Variants in SLC16A12 observed in about 807,000 individuals in gnomAD.
SLC16A12 encodes the protein monocarboxylate transporter 12.
A neutral mutation model predicts 42.4 loss-of-function variants in SLC16A12; 17 were observed. The ratio of observed to expected loss-of-function variants is 0.40; its 90% CI spans 0.27 to 0.60. The LOEUF (loss-of-function observed/expected upper bound fraction) is 0.60. Among genes scored for constraint, SLC16A12 ranks in the 20% least tolerant of loss-of-function variants. The pLI, the probability that SLC16A12 is intolerant of heterozygous loss-of-function variation, is 0.42. For missense variants in SLC16A12, 544 were observed against 623.0 expected (o/e 0.87, Z 1.35); for synonymous variants, 224 against 229.4 (o/e 0.98, Z 0.21).
At chr10:89,443,518 T>A (rs1349472810) in intron 4 of SLC16A12, among the ~76,000 whole-genome samples, 1 of 152,248 alleles carries the variant, frequency 6.6e-6, no homozygotes, top group African/African-American at 2.4e-5. Context: ...CGTGTTCTTT[T>A]GAGTGTATTA....
intron 2 of SLC16A12, among the ~76,000 whole-genome samples, chr10:89,483,439 G>A (rs1357635359): frequency 2.6e-5 from 4 of 152,196 alleles, no homozygotes; most frequent in Non-Finnish European, 5.9e-5. Flanking sequence ...TTACTCCAAT[G>A]TGGTTTAGAA....
chr10:89,437,426 T>C (rs72816703), intron 6 of SLC16A12, among the ~76,000 whole-genome samples: 20,186 of 152,130 alleles, frequency 0.13, 1,765 homozygotes, highest in Non-Finnish European at 0.19. Context: ...AATATTGCAC[T>C]GGCTCATTTT....
chr10:89,454,499 C>A (rs532882186), intron 3 of SLC16A12, among the ~76,000 whole-genome samples: 8 of 152,208 alleles, frequency 5.3e-5, no homozygotes, highest in Admixed American at 1.3e-4. Flanking sequence ...TACTTTTTAA[C>A]CTGACTTAGG....
At chr10:89,448,536 G>A (rs141257980) in intron 3 of SLC16A12, among the ~76,000 whole-genome samples, 2,290 of 152,196 alleles carry the variant, frequency 0.015, 30 homozygotes, top group Non-Finnish European at 0.022. Context: ...TGTAGAAAAG[G>A]CCTTTGACAA....
At chr10:89,466,594 C>T (rs564743990) in intron 2 of SLC16A12, among the ~76,000 whole-genome samples, 14 of 152,132 alleles carry the variant, frequency 9.2e-5, no homozygotes, top group Non-Finnish European at 1.5e-4. Context: ...CATTAGTTGG[C>T]ACTTGTAAAT....
intron 2 of SLC16A12, among the ~76,000 whole-genome samples, chr10:89,503,760 T>C (rs558161741): frequency 1.3e-5 from 2 of 152,240 alleles, no homozygotes; most frequent in South Asian, 2.1e-4. Context: ...CCGCAATTGT[T>C]CCCATACAAT....
chr10:89,507,886 C>G (rs933642001), intron 2 of SLC16A12, among the ~76,000 whole-genome samples: 1 of 152,158 alleles, frequency 6.6e-6, no homozygotes, highest in South Asian at 2.1e-4. Context: ...GGAGGAAGAT[C>G]TACCAAGCAA....
intron 2 of SLC16A12, among the ~76,000 whole-genome samples, chr10:89,494,897 G>T (rs1370056105): frequency 6.6e-6 from 1 of 152,184 alleles, no homozygotes; most frequent in African/African-American, 2.4e-5. Context: ...CTGGTATTTA[G>T]TCTGTGGAAA....
chr10:89,541,759 A>G (rs1041208034), intron 2 of SLC16A12, among the ~76,000 whole-genome samples: 2 of 152,204 alleles, frequency 1.3e-5, no homozygotes, highest in African/African-American at 4.8e-5. Context: ...GTGTTTGCCC[A>G]TTAGGTGCCA....
chr10:89,532,544 TATACACTGGAAAG>T (rs1473122606), intron 2 of SLC16A12, among the ~76,000 whole-genome samples: 1 of 152,214 alleles, frequency 6.6e-6, no homozygotes, highest in African/African-American at 2.4e-5. Flanking sequence ...TGACTTTTTA[TATACACTGGAAAG>T]GTACTCATAA....
chr10:89,468,350 T>A (rs1029691664), intron 2 of SLC16A12, among the ~76,000 whole-genome samples: 1 of 152,220 alleles, frequency 6.6e-6, no homozygotes, highest in African/African-American at 2.4e-5. Context: ...AGATGCTATC[T>A]TTCTCTCTTT....
At chr10:89,487,734 C>A (rs929752169) in intron 2 of SLC16A12, among the ~76,000 whole-genome samples, 1 of 146,652 alleles carries the variant, frequency 6.8e-6, no homozygotes, top group African/African-American at 2.5e-5. Context: ...ATGGCTTGAA[C>A]CTGGGAGGCA....
At chr10:89,439,368 T>C (rs1243458819) in intron 5 of SLC16A12, among the ~76,000 whole-genome samples, 185 bp from the exon 6 acceptor site, 2 of 152,240 alleles carry the variant, frequency 1.3e-5, no homozygotes, top group Non-Finnish European at 2.9e-5. Context: ...ATGTAGAATA[T>C]ATATGACTTT....
At chr10:89,531,500 T>C (rs535079437) in intron 2 of SLC16A12, among the ~76,000 whole-genome samples, 3 of 152,170 alleles carry the variant, frequency 2.0e-5, no homozygotes, top group Non-Finnish European at 4.4e-5. Context: ...CAGCCAAGTA[T>C]ACAAATTTAT....
intron 2 of SLC16A12, among the ~76,000 whole-genome samples, chr10:89,471,119 A>G (rs117700587): frequency 0.014 from 2,151 of 152,354 alleles, 23 homozygotes; most frequent in Non-Finnish European, 0.022. Flanking sequence ...GGTATAACTT[A>G]CATACAATAA....
intron 2 of SLC16A12, among the ~76,000 whole-genome samples, chr10:89,543,091 TC>T (rs1424650592): frequency 6.6e-6 from 1 of 152,212 alleles, no homozygotes; most frequent in Non-Finnish European, 1.5e-5. Flanking sequence ...ATCTGTAACT[TC>T]CCTTGAAAGG....
intron 2 of SLC16A12, among the ~76,000 whole-genome samples, chr10:89,497,501 T>G (rs778683126): frequency 1.4e-4 from 22 of 151,982 alleles, no homozygotes; most frequent in Non-Finnish European, 2.4e-4. Context: ...AAAAGCACAG[T>G]GGTACAAAAG....
At chr10:89,448,257 T>C (rs1440283364) in intron 3 of SLC16A12, among the ~76,000 whole-genome samples, 6 of 152,196 alleles carry the variant, frequency 3.9e-5, no homozygotes, top group African/African-American at 1.4e-4. Context: ...TAACTCATTT[T>C]ATGAGGTGAG....
intron 3 of SLC16A12, among the ~76,000 whole-genome samples, chr10:89,460,294 G>C (rs938022423): frequency 2.6e-5 from 4 of 152,038 alleles, no homozygotes; most frequent in African/African-American, 9.7e-5. Context: ...TCATAATATA[G>C]ATGAGTCTTA....
Sources: gnomAD v4.1 joint callset for allele counts (sites outside exome capture counted in the v4.1 genomes callset) on GRCh38, gnomAD v4.1.1 for gene constraint, MANE v1.5 for transcripts, NCBI Gene and HGNC (gene_info 2026-07-23, HGNC 2026-07-21) for gene names.